The following PDE4D variants were observed in gnomAD, a reference collection of about 807,000 sequenced individuals.
PDE4D encodes phosphodiesterase 4D.
PDE4D carries 24 observed loss-of-function variants against 87.4 expected under a neutral mutation model. The observed-to-expected ratio is 0.27, with a 90% CI of 0.20 to 0.39. The LOEUF (loss-of-function observed/expected upper bound fraction) is 0.39. PDE4D is among the 10% of genes least tolerant of loss of function. The pLI, the probability that PDE4D is intolerant of heterozygous loss-of-function variation, is 1.00. For synonymous variants in PDE4D, 384 were observed against 383.2 expected (o/e 1.00, Z -0.02); for missense variants, 714 against 1,041.0 (o/e 0.69, Z 4.32).
At chr5:59,209,939 C>T (rs2153502503) in intron 2 of PDE4D, among the ~76,000 whole-genome samples, 1 of 152,330 alleles carries the variant, frequency 6.6e-6, no homozygotes, top group South Asian at 2.1e-4. Flanking sequence ...AACGCTTGCA[C>T]CCATGTACAT....
intron 1 of PDE4D, among the ~76,000 whole-genome samples, chr5:59,263,890 G>T (rs983640989): frequency 2.0e-5 from 3 of 151,886 alleles, no homozygotes; most frequent in Non-Finnish European, 4.4e-5. Context: ...TTTAATCTGG[G>T]TGGTGATTAC....
intron 1 of PDE4D, among the ~76,000 whole-genome samples, chr5:59,326,465 A>T (rs1775686173): frequency 6.6e-6 from 1 of 152,140 alleles, no homozygotes; most frequent in Non-Finnish European, 1.5e-5. Flanking sequence ...ACTATTAAAT[A>T]CTTAAAATAT....
intron 1 of PDE4D, among the ~76,000 whole-genome samples, chr5:59,264,715 GTTTGT>G (rs1163093318): frequency 1.3e-5 from 2 of 151,932 alleles, no homozygotes; most frequent in Admixed American, 6.6e-5. Context: ...TGCTTTTACA[GTTTGT>G]TTTGTTTTGT....
At chr5:60,122,977 T>G (rs1778821075) in intron 2 of PDE4D, among the ~76,000 whole-genome samples, 1 of 152,112 alleles carries the variant, frequency 6.6e-6, no homozygotes. Flanking sequence ...TTCCACAAAT[T>G]TCTAGGGCAT....
rs2152756808 is a variant in PDE4D at position 59,893,690 on chromosome 5, A to C, written c.-68T>G. 4 of 1,387,882 alleles carry C rather than the reference A, an allele frequency of 2.9e-6. No homozygotes were observed. Among genetic ancestry groups the C allele is most frequent in the South Asian group, 3.3e-5 (2 of 61,322 alleles). The allele number at this position is 1,387,882 out of a possible 1,614,324, so 86.0% of individuals were successfully genotyped here. A position where few individuals can be genotyped will look rare whatever the true frequency, so the allele number is the denominator to read the frequency against. ...CCGCGCTGGCCCGAGCGCCTTCCTGATGCTGCTGCTGCTGCTGCCGCCGCC... is the reference window on the plus strand; with the variant it reads ...CCGCGCTGGCCCGAGCGCCTTCCTGCTGCTGCTGCTGCTGCTGCCGCCGCC... On this transcript the variant is annotated 5_prime_UTR_variant, in exon 1 of 15. Transcript: ENST00000340635.
At chr5:59,586,916 C>T in intron 1 of PDE4D, 3 of 985,402 alleles carry the variant, frequency 3.0e-6, no homozygotes, top group Non-Finnish European at 3.6e-6. Flanking sequence ...GTCACTTTAA[C>T]GCAGTGCTAC....
At chr5:59,925,795 G>T (rs1352020249) in intron 3 of PDE4D, among the ~76,000 whole-genome samples, 1 of 152,082 alleles carries the variant, frequency 6.6e-6, no homozygotes, top group Non-Finnish European at 1.5e-5. Flanking sequence ...GGATAAAAGG[G>T]TCAATTCAGC....
chr5:60,504,001 C>T (rs1343451604), intron 1 of PDE4D, among the ~76,000 whole-genome samples: 10 of 152,088 alleles, frequency 6.6e-5, no homozygotes, highest in African/African-American at 1.9e-4. Flanking sequence ...GAGTTCAAAC[C>T]GAGAACCAAA....
chr5:59,207,805 A>C (rs948516317), intron 2 of PDE4D, among the ~76,000 whole-genome samples: 29 of 152,102 alleles, frequency 1.9e-4, no homozygotes, highest in African/African-American at 7.0e-4. Flanking sequence ...ATTCACCTTC[A>C]CACTCTTTCT....
intron 5 of PDE4D, among the ~76,000 whole-genome samples, chr5:59,128,015 C>CGTGT (rs55796726): frequency 0.25 from 36,033 of 144,042 alleles, 4,690 homozygotes; most frequent in East Asian, 0.38. Flanking sequence ...CTTTCAGAGC[C>CGTGT]GTGTGTGTGT....
chr5:59,516,592 C>T (rs1212767120), intron 1 of PDE4D, among the ~76,000 whole-genome samples: 1 of 152,062 alleles, frequency 6.6e-6, no homozygotes, highest in Non-Finnish European at 1.5e-5. Flanking sequence ...TCATTCTTTT[C>T]TTCGGGAGAA....
intron 1 of PDE4D, among the ~76,000 whole-genome samples, chr5:59,641,286 G>A (rs1741543746): frequency 6.6e-6 from 1 of 152,154 alleles, no homozygotes; most frequent in Admixed American, 6.5e-5. Flanking sequence ...AAAATAAACT[G>A]CACATATTTT....
At chr5:59,016,989 G>C (rs1754134551) in intron 6 of PDE4D, among the ~76,000 whole-genome samples, 2 of 152,170 alleles carry the variant, frequency 1.3e-5, no homozygotes, top group African/African-American at 4.8e-5. Context: ...TAAGTAGTAA[G>C]GAAAAGCTGC....
intron 1 of PDE4D, among the ~76,000 whole-genome samples, chr5:59,370,915 G>A (rs1435450823): frequency 6.6e-6 from 1 of 152,206 alleles, no homozygotes; most frequent in Non-Finnish European, 1.5e-5. Flanking sequence ...TATCCAAGGT[G>A]TAGTGAAATT....
chr5:59,145,307 T>A (rs893822413), intron 5 of PDE4D, among the ~76,000 whole-genome samples: 9 of 152,142 alleles, frequency 5.9e-5, no homozygotes, highest in Non-Finnish European at 1.3e-4. Context: ...GCTGGCAGGC[T>A]GGAAAATGTG....
chr5:59,734,335 T>G (rs1287455989), intron 1 of PDE4D, among the ~76,000 whole-genome samples: 1 of 150,538 alleles, frequency 6.6e-6, no homozygotes, highest in Non-Finnish European at 1.5e-5. Context: ...TTTCCAAATA[T>G]ATACAGAAAA....
chr5:59,141,727 C>T (rs1248817957), intron 5 of PDE4D, among the ~76,000 whole-genome samples: 2 of 152,134 alleles, frequency 1.3e-5, no homozygotes, highest in Non-Finnish European at 2.9e-5. Flanking sequence ...GTGAAAGGGA[C>T]GATGTTGTGG....
At chr5:60,108,210 CAACAA>C (rs1777246021) in intron 2 of PDE4D, among the ~76,000 whole-genome samples, 1 of 151,588 alleles carries the variant, frequency 6.6e-6, no homozygotes, top group Non-Finnish European at 1.5e-5. Context: ...TCTTATACAG[CAACAA>C]CAGACAAACA....
chr5:59,122,037 G>C (rs1418042207), intron 5 of PDE4D, among the ~76,000 whole-genome samples: 1 of 150,660 alleles, frequency 6.6e-6, no homozygotes, highest in Non-Finnish European at 1.5e-5. Flanking sequence ...AGCTACTTGG[G>C]AGGCTGAGGC....
Sources: allele counts gnomAD v4.1 joint callset (sites outside exome capture counted in the v4.1 genomes callset), GRCh38; gene constraint gnomAD v4.1.1; transcripts MANE v1.5; gene names NCBI Gene and HGNC (gene_info 2026-07-23, HGNC 2026-07-21).